UBR2: variants seen among roughly 807,000 people sequenced by gnomAD.
UBR2 encodes the protein ubiquitin protein ligase E3 component n-recognin 2.
UBR2 carries 92 observed loss-of-function variants against 247.9 expected under a neutral mutation model. That is an observed-to-expected ratio of 0.37 (90% confidence interval 0.31 to 0.44). UBR2 has a LOEUF of 0.44. Among genes scored for constraint, UBR2 ranks in the 20% least tolerant of loss-of-function variants. The probability of loss-of-function intolerance (pLI) is 1.00; values close to 1 mark genes in which losing one functional copy is unlikely to be tolerated. For synonymous variants in UBR2, 672 were observed against 693.5 expected, an observed-to-expected ratio of 0.97 and a Z score of 0.49; for missense variants, 1,613 against 2,112.6, an observed-to-expected ratio of 0.76 and a Z score of 4.64.
intron 13 of UBR2, among the ~76,000 whole-genome samples, chr6:42,635,071 A>C (rs1796002528): frequency 6.6e-6 from 1 of 152,208 alleles, no homozygotes; most frequent in African/African-American, 2.4e-5. Context: ...ACATTTTAAA[A>C]GCTTGTCACA....
chr6:42,646,240 C>T (rs1025702764), intron 21 of UBR2, among the ~76,000 whole-genome samples: 2 of 152,058 alleles, frequency 1.3e-5, no homozygotes, highest in African/African-American at 4.8e-5. Context: ...AATGTTTGCC[C>T]TAATTTGAAA....
chr6:42,580,750 C>A (rs1270265287), intron 2 of UBR2, among the ~76,000 whole-genome samples: 1 of 152,170 alleles, frequency 6.6e-6, no homozygotes, highest in Non-Finnish European at 1.5e-5. Flanking sequence ...ACCATGTTGG[C>A]CAGGATGGTC....
At chr6:42,584,347 C>T (rs1002989816) in intron 2 of UBR2, among the ~76,000 whole-genome samples, 2 of 152,100 alleles carry the variant, frequency 1.3e-5, no homozygotes, top group African/African-American at 4.8e-5. Context: ...AGTGTGGGTC[C>T]ATTTCTGAAC....
chr6:42,641,687 A>C lies in UBR2; in HGVS notation c.2026A>C (p.Asn676His), dbSNP rs1303924647. ...MWRRNGFSLV[N>H]QIYYYHNVKC... Reference sequence around the variant, plus strand: ...GAGAAGAAATGGGTTCTCTCTAGTAAACCAGGTAAGTGTTTTCTAATTCTA... The same window carrying C: ...GAGAAGAAATGGGTTCTCTCTAGTACACCAGGTAAGTGTTTTCTAATTCTA... Residue 676 changes from asparagine to histidine, a missense_variant, in exon 17 of 47, where the codon AAC becomes CAC. Physicochemically the swap from Asn to His is moderately conservative, Grantham distance 68 (BLOSUM62 1). Coordinates refer to ENST00000372901, the MANE Select transcript of UBR2 (RefSeq NM_001363705.2). 1 of 1,608,540 alleles carries C rather than the reference A, an allele frequency of 6.2e-7. No homozygotes were observed. The highest frequency in any genetic ancestry group is 8.5e-7 in the Non-Finnish European group (1 of 1,177,446).
chr6:42,597,126 A>G (rs959017881), intron 4 of UBR2, among the ~76,000 whole-genome samples: 1 of 152,148 alleles, frequency 6.6e-6, no homozygotes, highest in African/African-American at 2.4e-5. Flanking sequence ...ATCCTCATAC[A>G]TTAGTGGGAT....
chr6:42,663,564 A>C (rs1797943156), intron 32 of UBR2, 145 bp downstream of exon 32: 2 of 859,958 alleles, frequency 2.3e-6, no homozygotes, highest in Non-Finnish European at 3.3e-6. Flanking sequence ...TTCTTCTAGC[A>C]GACCTGTGGA....
chr6:42,691,359 G>C lies in UBR2; in HGVS notation c.*186G>C. 1 of 729,322 alleles carries C rather than the reference G, an allele frequency of 1.4e-6. No individual in the cohort carries two copies. The highest frequency in any genetic ancestry group is 2.2e-6 in the Non-Finnish European group (1 of 457,294). 45.2% of individuals were successfully genotyped at this position (729,322 alleles called of 1,614,324 possible). A position where few individuals can be genotyped will look rare whatever the true frequency, so the allele number is the denominator to read the frequency against. ...ATCAGCAGATTTTCTTGCACTGTTT[G>C]CTGTGCCCCTCAAATATAATGTCTT... On this transcript the variant is annotated 3_prime_UTR_variant, in exon 47 of 47. Coordinates refer to ENST00000372901, the MANE Select transcript of UBR2 (RefSeq NM_001363705.2).
chr6:42,614,819 CAA>C (rs1482471918), intron 8 of UBR2, among the ~76,000 whole-genome samples: 3 of 151,982 alleles, frequency 2.0e-5, no homozygotes, highest in Non-Finnish European at 2.9e-5. Context: ...CATTAAAGCA[CAA>C]GAGGTTATTG....
chr6:42,644,097 G>A, intron 18 of UBR2, 117 bp from the exon 19 acceptor site: 2 of 1,024,100 alleles, frequency 2.0e-6, no homozygotes, highest in South Asian at 3.4e-5. Context: ...GAACCTTTTA[G>A]GATTGGTAAA....
At chr6:42,580,602 C>T (rs1582442118) in intron 2 of UBR2, among the ~76,000 whole-genome samples, 1 of 151,548 alleles carries the variant, frequency 6.6e-6, no homozygotes, top group South Asian at 2.1e-4. Context: ...TGCAGGGGCA[C>T]GATCTTGGCT....
Position 42,679,758 on chromosome 6 carries a change from C to T in UBR2, c.4644C>T (p.Ser1548=), listed in dbSNP as rs1798922324. 1 of 1,613,218 alleles carries T rather than the reference C, an allele frequency of 6.2e-7. No homozygotes were observed. The highest frequency in any genetic ancestry group is 8.5e-7 in the Non-Finnish European group (1 of 1,179,798). The part of the protein sequence containing the change: ...PGTSHFEHLC[S]YLSLPNNLIC... ...CAAGCCATTTTGAACATTTATGTAG[C>T]TATCTTTCCCTACCAAACAACCTCA... The change falls in exon 42 of 47, where the codon AGC becomes AGT. Residue 1548 remains serine (S), a synonymous_variant. Coordinates refer to ENST00000372901, the MANE Select transcript of UBR2 (RefSeq NM_001363705.2).
intron 2 of UBR2, among the ~76,000 whole-genome samples, chr6:42,582,930 T>C (rs1010272338): frequency 4.6e-5 from 7 of 152,202 alleles, no homozygotes; most frequent in African/African-American, 1.4e-4. Flanking sequence ...CGATTTTCCA[T>C]GTGCTTATTG....
At chr6:42,579,000 A>C (rs999784159) in intron 2 of UBR2, among the ~76,000 whole-genome samples, 5 of 146,228 alleles carry the variant, frequency 3.4e-5, no homozygotes, top group South Asian at 2.2e-4. Flanking sequence ...CACACACACA[A>C]ACTTGAAGTC....
At chr6:42,687,096 A>G (rs1799468692) in intron 44 of UBR2, among the ~76,000 whole-genome samples, 1 of 152,218 alleles carries the variant, frequency 6.6e-6, no homozygotes, top group Non-Finnish European at 1.5e-5. Flanking sequence ...GGCCGGGCAG[A>G]GGCTGCAATC....
In UBR2 at chr6:42,652,506, T is replaced by C; in HGVS notation, c.2630T>C (p.Val877Ala). ...NREDTALPPP[V>A]LPPFCPLFAS... is the part of the protein sequence containing the mutation. ...GTATTTTCAGCACTCCCACCTCCGG[T>C]GTTGCCTCCATTCTGCCCTCTGTTT... is the stretch of plus-strand genomic sequence containing the variant. The change falls in exon 25 of 47, where the codon GTG becomes GCG. Residue 877 changes from valine (V) to alanine (A), a missense_variant. Val to Ala is a moderately conservative substitution (Grantham distance 64). Transcript: ENST00000372901. 6.2e-7 allele frequency: 1 copy of C among 1,607,382 alleles called. No homozygotes were observed. The highest frequency in any genetic ancestry group is 8.5e-7 in the Non-Finnish European group (1 of 1,178,586).
intron 21 of UBR2, among the ~76,000 whole-genome samples, chr6:42,647,350 G>A (rs1207129943): frequency 6.6e-6 from 1 of 150,470 alleles, no homozygotes; most frequent in African/African-American, 2.4e-5. Context: ...GGGAGACCAA[G>A]GTGGGCGGAT....
At chr6:42,577,748 A>G (rs995744243) in intron 2 of UBR2, among the ~76,000 whole-genome samples, 1 of 152,064 alleles carries the variant, frequency 6.6e-6, no homozygotes, top group Non-Finnish European at 1.5e-5. Context: ...AATTGAGAAC[A>G]TTCTTTTTTA....
At chr6:42,680,376 GA>G (rs1484014671) in intron 42 of UBR2, among the ~76,000 whole-genome samples, 18 of 152,176 alleles carry the variant, frequency 1.2e-4, no homozygotes, top group Non-Finnish European at 2.1e-4. Context: ...CATGGAAGGG[GA>G]ATAGTGGTAG....
chr6:42,633,384 G>GT (rs1403201690), intron 13 of UBR2, among the ~76,000 whole-genome samples: 18 of 150,714 alleles, frequency 1.2e-4, no homozygotes, highest in Non-Finnish European at 2.2e-4. Context: ...TTCTGTGTTG[G>GT]TTTTTTTTGT....
Sources: gnomAD v4.1 joint callset for allele counts (sites outside exome capture counted in the v4.1 genomes callset) on GRCh38, gnomAD v4.1.1 for gene constraint, MANE v1.5 for transcripts, NCBI Gene and HGNC (gene_info 2026-07-23, HGNC 2026-07-21) for gene names.